RBP5: variants seen among roughly 807,000 people sequenced by gnomAD.
RBP5 encodes retinol-binding protein 5.
A neutral mutation model predicts 17.8 loss-of-function variants in RBP5; 12 were observed. That is an observed-to-expected ratio of 0.67 (90% CI 0.43 to 1.09). The LOEUF (loss-of-function observed/expected upper bound fraction) is 1.09, where lower values mean the gene tolerates loss of function less well. Ranked by LOEUF, RBP5 falls within the 50% of genes least tolerant of loss-of-function variation. The pLI is 0.00. For missense variants in RBP5, 172 were observed against 169.4 expected, an observed-to-expected ratio of 1.02 and a Z score of -0.09; for synonymous variants, 64 against 68.1, an observed-to-expected ratio of 0.94 and a Z score of 0.30.
chr12:7,124,184 G>C lies in RBP5; in HGVS notation c.355-10C>G. The C allele has an allele frequency of 6.2e-7, 1 of 1,613,832 alleles. No homozygotes were observed. The highest frequency in any genetic ancestry group is 1.1e-5 in the South Asian group (1 of 91,076). On this transcript the variant is annotated splice_polypyrimidine_tract_variant and intron_variant, in intron 3 of 3. Coordinates refer to ENST00000266560, the MANE Select transcript of RBP5 (RefSeq NM_031491.4). The surrounding 1 kb of genome is among the most constrained non-coding windows in gnomAD (Gnocchi z 5.3). Reference sequence around the variant, plus strand: ...CCCTTGCAGTCAGTTCCTGGGGAGAGAGGGGAAGTGAGGGGGAGAGAGAAA... The same window carrying C: ...CCCTTGCAGTCAGTTCCTGGGGAGACAGGGGAAGTGAGGGGGAGAGAGAAA...
At chr12:7,118,933 A>G (rs976411814), downstream of RBP5, 5 of 153,748 alleles carry the variant, frequency 3.3e-5, no homozygotes, top group South Asian at 2.1e-4. Flanking sequence ...AGGAGGAGGA[A>G]GAAGAAAGAT....
downstream of RBP5, chr12:7,122,141 G>C (rs1591607325): frequency 6.6e-6 from 1 of 152,272 alleles, no homozygotes; most frequent in South Asian, 2.1e-4. Flanking sequence ...TATCAGAGAA[G>C]GTGGTGGAGG....
At position 7,124,888 on chromosome 12, in the gene RBP5, C is replaced by T. The variant is rs1325817345; in HGVS notation, c.253-158G>A. Among the ~76,000 whole-genome samples the T allele has an allele frequency of 6.6e-6, 1 of 152,112 alleles. No homozygotes were observed. The highest frequency in any genetic ancestry group is 1.5e-5 in the Non-Finnish European group (1 of 68,024). On this transcript the variant is annotated intron_variant, in intron 2 of 3. Coordinates refer to ENST00000266560, the MANE Select transcript of RBP5 (RefSeq NM_031491.4). The surrounding 1 kb of genome is among the most constrained non-coding windows in gnomAD (Gnocchi z 5.3). ...GGAGCTGCTCTGATTCAGCAGGACT[C>T]CCTTTCCACCCTACTCTTTGTTTTT...
Position 7,128,369 on chromosome 12 carries a change from C to T in RBP5, c.123G>A (p.Lys41=). 6.2e-7 allele frequency: 1 copy of T among 1,614,202 alleles called. No homozygotes were observed. The highest frequency in any genetic ancestry group is 8.5e-7 in the Non-Finnish European group (1 of 1,180,046). The change falls in exon 2 of 4, where the codon AAG becomes AAA. Residue 41 remains lysine (K), a synonymous_variant. Transcript: ENST00000266560. This position sits in a 1 kb window ranked among gnomAD's most constrained non-coding sequence, Gnocchi z 5.3. ...RKIALLLKPD[K]EIEHQGNHMT... is the part of the protein sequence containing the mutation. The stretch of plus-strand genomic sequence containing the variant: ...TGTGGTTGCCCTGGTGTTCGATCTC[C>T]TTGTCCGGCTTCAGCAGCAGCGCGA...
chr12:7,125,974 C>T (rs989183599), intron 2 of RBP5, among the ~76,000 whole-genome samples: 14 of 150,916 alleles, frequency 9.3e-5, no homozygotes, highest in African/African-American at 3.2e-4. Context: ...GGCTTAGGCC[C>T]GTAATCTCAG....
At chr12:7,118,675 G>A (rs1477458158) in intron 3 of RBP5, 1 of 152,220 alleles carries the variant, frequency 6.6e-6, no homozygotes, top group African/African-American at 2.4e-5. Context: ...CATTCACATT[G>A]AGGTAGACCC....
At chr12:7,129,131 TC>T, upstream of RBP5, 1 of 307,990 alleles carries the variant, frequency 3.2e-6, no homozygotes, top group South Asian at 3.1e-5. This position sits in a 1 kb window ranked among gnomAD's most constrained non-coding sequence, Gnocchi z 5.5. Flanking sequence ...CATCCAAAAC[TC>T]AGCCATCCAA....
At position 7,117,381 on chromosome 12, in the gene RBP5, G is replaced by A. The variant is rs1939018915; in HGVS notation, n.890-74C>T. ...ATTGTTGGTGGCTGTCTCGGACGCT[G>A]GTTCTCATAGAAGTAGATGTATTAT... On this transcript the variant is annotated intron_variant and non_coding_transcript_variant, in intron 3 of 3. Transcript: ENST00000619522. This position sits in a 1 kb window ranked among gnomAD's most constrained non-coding sequence, Gnocchi z 4.9. 1 of 152,224 alleles carries A rather than the reference G, an allele frequency of 6.6e-6. No homozygotes were observed. Among genetic ancestry groups the A allele is most frequent in the Admixed American group, 6.5e-5 (1 of 15,284 alleles). 9.4% of individuals were successfully genotyped at this position (152,224 alleles called of 1,614,324 possible).
intron 2 of RBP5, chr12:7,127,485 A>G: frequency 1.7e-6 from 1 of 592,042 alleles, no homozygotes; most frequent in South Asian, 2.1e-5. Context: ...AATGCAATGT[A>G]CATGCTCTGT....
At chr12:7,121,091 C>T (rs899317552), downstream of RBP5, 64 of 151,486 alleles carry the variant, frequency 4.2e-4, no homozygotes, top group African/African-American at 1.5e-3. Context: ...GAGCAGCAGG[C>T]TCTAGGGGAG....
chr12:7,116,570 A>G (rs890305713), exon 4 of RBP5: 1 of 152,174 alleles, frequency 6.6e-6, no homozygotes, highest in Non-Finnish European at 1.5e-5. Flanking sequence ...CATTCCTTTT[A>G]ACAATTACCT....
chr12:7,117,248 G>A lies in RBP5; in HGVS notation n.949C>T, dbSNP rs1565642630. On this transcript the variant is annotated non_coding_transcript_exon_variant, in exon 4 of 4. Transcript: ENST00000619522. The surrounding 1 kb of genome is among the most constrained non-coding windows in gnomAD (Gnocchi z 4.9). ...GCAGAGGTGACAGTGTCTTTTATAA[G>A]CCAGCCTTGGAAGTGACGTAGCATC... The A allele has an allele frequency of 6.6e-6, 1 of 152,252 alleles. No individual in the cohort carries two copies. Among genetic ancestry groups the A allele is most frequent in the Non-Finnish European group, 1.5e-5 (1 of 68,054 alleles). 9.4% of individuals were successfully genotyped at this position (152,252 alleles called of 1,614,324 possible). A position where few individuals can be genotyped will look rare whatever the true frequency, so the allele number is the denominator to read the frequency against.
At chr12:7,129,631 C>T, upstream of RBP5, 1 of 985,478 alleles carries the variant, frequency 1.0e-6, no homozygotes, top group Non-Finnish European at 1.2e-6. This position sits in a 1 kb window ranked among gnomAD's most constrained non-coding sequence, Gnocchi z 5.5. Flanking sequence ...CCATGCTTTC[C>T]AGATGTATTT....
upstream of RBP5, chr12:7,129,947 C>G (rs1939247467): frequency 1.8e-5 from 6 of 341,174 alleles, no homozygotes; most frequent in South Asian, 6.7e-4. This position sits in a 1 kb window ranked among gnomAD's most constrained non-coding sequence, Gnocchi z 5.5. Flanking sequence ...CAGGATTTCT[C>G]AGGCTCAGAC....
downstream of RBP5, among the ~76,000 whole-genome samples, chr12:7,119,253 T>C (rs757956799): frequency 2.8e-3 from 425 of 151,922 alleles, 3 homozygotes; most frequent in African/African-American, 9.3e-3. Context: ...CTGATGACTG[T>C]GCAGCCATCA....
intron 2 of RBP5, among the ~76,000 whole-genome samples, chr12:7,126,510 G>GGTGGTGTGTGTGTGTGTGT (rs751535528): frequency 3.8e-5 from 5 of 131,020 alleles, no homozygotes; most frequent in African/African-American, 1.4e-4. Flanking sequence ...TGGTGGTGGT[G>GGTGGTGTGTGTGTGTGTGT]GTGTGTGTGT....
chr12:7,129,627 T>C, upstream of RBP5: 1 of 985,480 alleles, frequency 1.0e-6, no homozygotes, highest in Non-Finnish European at 1.2e-6. The surrounding 1 kb of genome is among the most constrained non-coding windows in gnomAD (Gnocchi z 5.5). Flanking sequence ...CAGCCCATGC[T>C]TTCCAGATGT....
upstream of RBP5, chr12:7,129,530 T>G (rs191963652): frequency 3.7e-6 from 3 of 820,250 alleles, no homozygotes; most frequent in Admixed American, 6.2e-5. The surrounding 1 kb of genome is among the most constrained non-coding windows in gnomAD (Gnocchi z 5.5). Context: ...TCTGGAGAAT[T>G]TTATTCTTTT....
In RBP5 at chr12:7,124,490, C is replaced by G; in HGVS notation, c.354+139G>C. ...CTCCCCACTCCTCCCAGTGCTTTTG[C>G]TTTCCCTCCCTGGTCAATTCCTTGG... On this transcript the variant is annotated intron_variant, in intron 3 of 3. Transcript: ENST00000266560. The surrounding 1 kb of genome is among the most constrained non-coding windows in gnomAD (Gnocchi z 5.3). 1.5e-6 allele frequency: 1 copy of G among 653,848 alleles called. No homozygotes were observed. The highest frequency in any genetic ancestry group is 2.7e-6 in the Non-Finnish European group (1 of 363,800). 40.5% of individuals were successfully genotyped at this position (653,848 alleles called of 1,614,324 possible). A position where few individuals can be genotyped will look rare whatever the true frequency, so the allele number is the denominator to read the frequency against.
Sources: allele counts gnomAD v4.1 joint callset (sites outside exome capture counted in the v4.1 genomes callset), GRCh38; gene constraint gnomAD v4.1.1; non-coding constraint Gnocchi (gnomAD v3.1); transcripts MANE v1.5; gene names NCBI Gene and HGNC (gene_info 2026-07-23, HGNC 2026-07-21).